The following ROR2 variants were observed in gnomAD, a reference collection of about 807,000 sequenced individuals.
ROR2 encodes the protein ROR family WNT receptor 2.
Under a neutral mutation model 74.9 loss-of-function variants are expected in ROR2, and 33 were observed. The observed-to-expected ratio is 0.44, with a 90% CI of 0.33 to 0.59. The LOEUF (loss-of-function observed/expected upper bound fraction) is 0.59, where lower values mean the gene tolerates loss of function less well. ROR2 is among the 20% of genes least tolerant of loss of function. The pLI is 0.02. For synonymous variants in ROR2, 586 were observed against 558.7 expected (o/e 1.05, Z -0.69); for missense variants, 1,216 against 1,313.8 (o/e 0.93, Z 1.15).
chr9:91,803,432 T>C (rs889691792), intron 1 of ROR2, among the ~76,000 whole-genome samples: 3 of 152,232 alleles, frequency 2.0e-5, no homozygotes, highest in Non-Finnish European at 4.4e-5. Context: ...ATGTTTCTGC[T>C]ATGCAGGATG....
At chr9:91,830,222 T>C (rs1828422250) in intron 1 of ROR2, among the ~76,000 whole-genome samples, 1 of 152,224 alleles carries the variant, frequency 6.6e-6, no homozygotes, top group Admixed American at 6.5e-5. Context: ...TCCAGCAATT[T>C]GGCTGTGCAA....
intron 4 of ROR2, among the ~76,000 whole-genome samples, chr9:91,748,827 G>A (rs1217211458): frequency 3.3e-5 from 5 of 152,220 alleles, no homozygotes; most frequent in East Asian, 1.9e-4. Flanking sequence ...GAGGTCAGGA[G>A]ACCAGCCTGA....
chr9:91,778,215 G>A (rs911521685), intron 1 of ROR2, among the ~76,000 whole-genome samples: 3 of 152,222 alleles, frequency 2.0e-5, no homozygotes, highest in Non-Finnish European at 4.4e-5. Flanking sequence ...CAGTTTAGGG[G>A]CCACCACAAC....
chr9:91,782,759 A>T lies in ROR2; in HGVS notation c.98-6941T>A, dbSNP rs4743851. Among the ~76,000 whole-genome samples the T allele has an allele frequency of 0.016, 2,405 of 152,332 alleles. 230 individuals are homozygous for T. The East Asian group carries it at 0.25, about 16-fold the overall frequency. On this transcript the variant is annotated intron_variant, in intron 1 of 8. Transcript: ENST00000375708. ...CAACCAGGAATCCAGGTCCCAGGCC[A>T]TGTAGCCAGAGGCTAACCCAGAGGG...
chr9:91,764,324 T>C, intron 2 of ROR2, among the ~76,000 whole-genome samples: 1 of 152,246 alleles, frequency 6.6e-6, no homozygotes, highest in Non-Finnish European at 1.5e-5. Context: ...AAGTGGCATA[T>C]AATTTTACAT....
At chr9:91,727,637 G>GGTGA (rs1196162413) in intron 7 of ROR2, among the ~76,000 whole-genome samples, 1 of 152,136 alleles carries the variant, frequency 6.6e-6, no homozygotes, top group Non-Finnish European at 1.5e-5. Context: ...CCTGGTGGAA[G>GGTGA]GTGAGTTCTC....
At chr9:91,775,498 G>T (rs562981399) in intron 2 of ROR2, among the ~76,000 whole-genome samples, 1 of 152,204 alleles carries the variant, frequency 6.6e-6, no homozygotes, top group East Asian at 1.9e-4. Context: ...CATCTGCCAG[G>T]CCGCCATCTG....
chr9:91,868,486 G>C (rs927447437), intron 1 of ROR2, among the ~76,000 whole-genome samples: 2 of 152,052 alleles, frequency 1.3e-5, no homozygotes, highest in African/African-American at 4.8e-5. Context: ...TCCCCAAAAA[G>C]ATAAGCCCAA....
At chr9:91,892,140 C>T (rs753159903) in intron 1 of ROR2, among the ~76,000 whole-genome samples, 54 of 152,028 alleles carry the variant, frequency 3.6e-4, no homozygotes, top group Middle Eastern at 3.2e-3. Flanking sequence ...CCTCTAGGCC[C>T]AGATTTTAAG....
intron 5 of ROR2, 32 bp downstream of exon 5, chr9:91,737,359 A>T (rs749146738): frequency 6.2e-7 from 1 of 1,613,832 alleles, no homozygotes; most frequent in Non-Finnish European, 8.5e-7. Flanking sequence ...GTGCATGCTT[A>T]TCATCCTGGG....
chr9:91,946,788 A>C (rs1478655885), intron 1 of ROR2, among the ~76,000 whole-genome samples: 1 of 152,184 alleles, frequency 6.6e-6, no homozygotes. Context: ...CTGGCCTCTC[A>C]GGGAATGCAT....
At chr9:91,925,824 C>T (rs1482751414) in intron 1 of ROR2, among the ~76,000 whole-genome samples, 2 of 152,218 alleles carry the variant, frequency 1.3e-5, no homozygotes, top group Non-Finnish European at 2.9e-5. Context: ...CTGGGTTCAA[C>T]AGACACCTGG....
chr9:91,852,161 C>G (rs1829117547), intron 1 of ROR2, among the ~76,000 whole-genome samples: 1 of 151,936 alleles, frequency 6.6e-6, no homozygotes, highest in African/African-American at 2.4e-5. Context: ...TATAAAAATG[C>G]CACTGATGTT....
At chr9:91,877,328 A>ACG (rs1829984843) in intron 1 of ROR2, among the ~76,000 whole-genome samples, 1 of 152,204 alleles carries the variant, frequency 6.6e-6, no homozygotes, top group Admixed American at 6.5e-5. Context: ...AAAGAAGGTG[A>ACG]TCAAGAAGTT....
chr9:91,743,724 C>T (rs1302491823), intron 4 of ROR2, among the ~76,000 whole-genome samples: 1 of 152,160 alleles, frequency 6.6e-6, no homozygotes, highest in African/African-American at 2.4e-5. Context: ...GCAAAATAAA[C>T]ACAGACAATA....
chr9:91,847,511 C>T (rs549889847), intron 1 of ROR2, among the ~76,000 whole-genome samples: 15 of 152,348 alleles, frequency 9.8e-5, no homozygotes, highest in African/African-American at 3.4e-4. Context: ...CCACTTCCCA[C>T]ATAAAGAGAC....
At chr9:91,852,624 AACACACACAC>A (rs59759515) in intron 1 of ROR2, among the ~76,000 whole-genome samples, 1 of 123,830 alleles carries the variant, frequency 8.1e-6, no homozygotes, top group Non-Finnish European at 1.6e-5. Context: ...AAAACACACA[AACACACACAC>A]ACACACACAC....
rs539636884 is a variant in ROR2, at chr9:91,914,610, C to T, written c.97+35257G>A. On this transcript the variant is annotated intron_variant, in intron 1 of 8. Coordinates refer to ENST00000375708, the MANE Select transcript of ROR2 (RefSeq NM_004560.4). ...CACACCAGCTACTGACTAAACAGTA[C>T]GGCGGGGCAGGGGAGAGGCTTTTCC... 2.8e-4 allele frequency among the ~76,000 whole-genome samples: 43 copies of T among 152,250 alleles called. 1 individual carries two copies. In the South Asian group the frequency reaches 8.7e-3, roughly 31 times the overall value.
chr9:91,882,514 G>GA (rs1312166913), intron 1 of ROR2, among the ~76,000 whole-genome samples: 1 of 151,596 alleles, frequency 6.6e-6, no homozygotes, highest in African/African-American at 2.4e-5. Flanking sequence ...AATGCTGAAC[G>GA]AAAAAATATA....
Sources: gnomAD v4.1 joint callset for allele counts (sites outside exome capture counted in the v4.1 genomes callset) on GRCh38, gnomAD v4.1.1 for gene constraint, MANE v1.5 for transcripts, NCBI Gene and HGNC (gene_info 2026-07-23, HGNC 2026-07-21) for gene names.